Variants in ZNF385D observed in about 807,000 individuals in gnomAD.
ZNF385D encodes the protein zinc finger protein 659.
In ZNF385D, 15 loss-of-function variants were observed where a neutral mutation model predicts 35.8. The ratio of observed to expected loss-of-function variants is 0.42; its 90% CI spans 0.28 to 0.64. The LOEUF (loss-of-function observed/expected upper bound fraction) is 0.64, where lower values mean the gene tolerates loss of function less well. Among genes scored for constraint, ZNF385D ranks in the 30% least tolerant of loss-of-function variants. The pLI is 0.23. For synonymous variants in ZNF385D, 212 were observed against 186.8 expected, an observed-to-expected ratio of 1.13 and a Z score of -1.10; for missense variants, 474 against 494.6, an observed-to-expected ratio of 0.96 and a Z score of 0.39.
At position 21,419,928 on chromosome 3, in the gene ZNF385D, A is replaced by G. The variant is rs1043013897; in HGVS notation, c.*1286T>C. 6.6e-5 allele frequency: 10 copies of G among 152,080 alleles called. 1 individual carries two copies. Among genetic ancestry groups the G allele is most frequent in the Admixed American group, 5.9e-4 (9 of 15,254 alleles). The allele number at this position is 152,080 out of a possible 1,614,324, so 9.4% of individuals were successfully genotyped here. Reference sequence around the variant, plus strand: ...TAAAACATCAACTTCTTTCAGCCTGATGGTGAATATCAAAGGCTCTCAGTA... The same window carrying G: ...TAAAACATCAACTTCTTTCAGCCTGGTGGTGAATATCAAAGGCTCTCAGTA... On this transcript the variant is annotated 3_prime_UTR_variant, in exon 8 of 8. Transcript: ENST00000281523.
intron 3 of ZNF385D, among the ~76,000 whole-genome samples, chr3:21,936,071 A>G (rs1701240763): frequency 6.6e-6 from 1 of 152,054 alleles, no homozygotes; most frequent in Non-Finnish European, 1.5e-5. Flanking sequence ...GAGCACTAAT[A>G]TGGCCAGAGA....
chr3:22,139,994 T>C (rs559062393), intron 3 of ZNF385D, among the ~76,000 whole-genome samples: 2 of 152,326 alleles, frequency 1.3e-5, no homozygotes, highest in East Asian at 3.9e-4. Context: ...CTCTCACATA[T>C]TGTTACTGGA....
chr3:21,699,287 A>G (rs2067585814), intron 1 of ZNF385D, among the ~76,000 whole-genome samples: 1 of 152,132 alleles, frequency 6.6e-6, no homozygotes, highest in Non-Finnish European at 1.5e-5. Context: ...GAGTTGAACA[A>G]TGAGAACACA....
intron 3 of ZNF385D, among the ~76,000 whole-genome samples, chr3:21,866,117 T>C (rs901031879): frequency 6.6e-6 from 1 of 151,986 alleles, no homozygotes. Context: ...TAAACATATG[T>C]AGAAAAATAG....
chr3:21,966,545 T>C (rs924403330), intron 3 of ZNF385D, among the ~76,000 whole-genome samples: 8 of 152,210 alleles, frequency 5.3e-5, no homozygotes, highest in African/African-American at 1.4e-4. Context: ...TATAAACCTA[T>C]TGTAAACCTA....
chr3:21,490,594 G>A (rs1039956487), intron 4 of ZNF385D, among the ~76,000 whole-genome samples: 5 of 152,066 alleles, frequency 3.3e-5, no homozygotes, highest in Non-Finnish European at 5.9e-5. Context: ...TAACTCAGAT[G>A]TGATATTGTG....
At chr3:21,828,995 C>G (rs1053887894) in intron 3 of ZNF385D, among the ~76,000 whole-genome samples, 2 of 152,160 alleles carry the variant, frequency 1.3e-5, no homozygotes, top group East Asian at 1.9e-4. Flanking sequence ...AAGGGCCCAT[C>G]TGGATAATCC....
chr3:21,802,787 C>G (rs2072465788), intron 3 of ZNF385D, among the ~76,000 whole-genome samples: 2 of 152,092 alleles, frequency 1.3e-5, no homozygotes, highest in Non-Finnish European at 2.9e-5. Flanking sequence ...ACCTGTCCAC[C>G]TGTCTGCCTG....
chr3:21,961,517 C>A (rs1475495330), intron 3 of ZNF385D: 1 of 152,006 alleles, frequency 6.6e-6, no homozygotes, highest in Admixed American at 6.6e-5. Context: ...TGTAATCATG[C>A]AGGAAAAATT....
chr3:21,847,865 C>T (rs1214853760), intron 3 of ZNF385D, among the ~76,000 whole-genome samples: 1 of 151,986 alleles, frequency 6.6e-6, no homozygotes, highest in Non-Finnish European at 1.5e-5. Flanking sequence ...ACCACACTTT[C>T]ACAATGTTTC....
chr3:22,086,932 G>A (rs990776775), intron 3 of ZNF385D, among the ~76,000 whole-genome samples: 7 of 152,082 alleles, frequency 4.6e-5, no homozygotes, highest in Middle Eastern at 3.4e-3. Context: ...AGGTCCTGTC[G>A]TGGGGTGGGG....
chr3:22,279,857 T>A (rs914374707), intron 2 of ZNF385D, among the ~76,000 whole-genome samples: 14 of 151,980 alleles, frequency 9.2e-5, no homozygotes, highest in Non-Finnish European at 4.4e-5. Context: ...TTAAGGAATC[T>A]CCACACTGTT....
In ZNF385D at chr3:22,001,990, T is replaced by C. The variant is rs546748391; in HGVS notation, c.325+166827A>G. On this transcript the variant is annotated intron_variant, in intron 3 of 5. Coordinates refer to the ZNF385D transcript ENST00000494108. Reference sequence around the variant, plus strand: ...ACAATAAATGGCTATATCAAAGAAGTAGATTTCAAATAAACAAACTTGTAA... The same window carrying C: ...ACAATAAATGGCTATATCAAAGAAGCAGATTTCAAATAAACAAACTTGTAA... Among the ~76,000 whole-genome samples the C allele has an allele frequency of 8.6e-5, 13 of 151,814 alleles. 1 individual carries two copies. In the South Asian group the frequency reaches 2.7e-3, roughly 32 times the overall value.
At chr3:21,869,596 C>G (rs997773611) in intron 3 of ZNF385D, among the ~76,000 whole-genome samples, 1 of 152,022 alleles carries the variant, frequency 6.6e-6, no homozygotes, top group African/African-American at 2.4e-5. Context: ...AAGCTAAATA[C>G]AGGCTTAAAA....
At chr3:22,113,820 T>C (rs1415606066) in intron 3 of ZNF385D, among the ~76,000 whole-genome samples, 1 of 152,072 alleles carries the variant, frequency 6.6e-6, no homozygotes, top group Non-Finnish European at 1.5e-5. Context: ...AATTTGGTGC[T>C]TTTTCAAGAT....
chr3:21,756,445 C>T (rs1012433400), intron 3 of ZNF385D, among the ~76,000 whole-genome samples: 6 of 151,878 alleles, frequency 4.0e-5, no homozygotes, highest in African/African-American at 1.5e-4. Flanking sequence ...TCTGGTTTGT[C>T]ATTCTTATTA....
intron 3 of ZNF385D, among the ~76,000 whole-genome samples, chr3:21,972,491 T>C (rs895505597): frequency 6.6e-6 from 1 of 151,808 alleles, no homozygotes; most frequent in Non-Finnish European, 1.5e-5. Context: ...GTGTTAAAAC[T>C]TCAAATAAAC....
chr3:22,072,803 G>A (rs1444565582), intron 3 of ZNF385D, among the ~76,000 whole-genome samples: 1 of 151,926 alleles, frequency 6.6e-6, no homozygotes, highest in Non-Finnish European at 1.5e-5. Context: ...AAGAAATAAG[G>A]AAACAGAACA....
At chr3:21,677,587 A>G (rs2066768680) in intron 1 of ZNF385D, among the ~76,000 whole-genome samples, 1 of 152,040 alleles carries the variant, frequency 6.6e-6, no homozygotes. Context: ...ATAAATTTCT[A>G]AGAGAGAAAT....
Sources: allele counts gnomAD v4.1 joint callset (sites outside exome capture counted in the v4.1 genomes callset), GRCh38; gene constraint gnomAD v4.1.1; transcripts MANE v1.5; gene names NCBI Gene and HGNC (gene_info 2026-07-23, HGNC 2026-07-21).